ZFP90: variants seen among roughly 807,000 people sequenced by gnomAD.
The protein encoded by ZFP90 is zinc finger protein 90 homolog.
In ZFP90, 38 loss-of-function variants were observed where a neutral mutation model predicts 60.8. The observed-to-expected ratio is 0.62, with a 90% CI of 0.48 to 0.82. The LOEUF (loss-of-function observed/expected upper bound fraction) is 0.82, where lower values mean the gene tolerates loss of function less well. Ranked by LOEUF, ZFP90 falls within the 40% of genes least tolerant of loss-of-function variation. ZFP90 has a pLI of 0.00. For missense variants in ZFP90, 711 were observed against 759.1 expected (o/e 0.94, Z 0.74); for synonymous variants, 287 against 264.8 (o/e 1.08, Z -0.82).
chr16:68,565,243 C>G lies in ZFP90; in HGVS notation c.*545C>G, dbSNP rs144727104. The G allele has an allele frequency of 3.7e-3, 3,667 of 985,644 alleles. 13 individuals carry two copies. The highest frequency in any genetic ancestry group is 0.021 in the Middle Eastern group (40 of 1,914). 61.1% of individuals were successfully genotyped at this position (985,644 alleles called of 1,614,324 possible). A position where few individuals can be genotyped will look rare whatever the true frequency, so the allele number is the denominator to read the frequency against. The stretch of plus-strand genomic sequence containing the variant: ...GTGAAGTGGTTTCCACAGTATGATA[C>G]AGCCTATAAGGGTAAAGCTGGGTTA... On this transcript the variant is annotated 3_prime_UTR_variant, in exon 5 of 5. Transcript: ENST00000563169.
intron 3 of ZFP90, 95 bp downstream of exon 3, chr16:68,558,219 C>CA (rs2091378329): frequency 1.9e-6 from 3 of 1,540,144 alleles, no homozygotes; most frequent in Non-Finnish European, 1.8e-6. Context: ...TAACTGTGAC[C>CA]AGGGTGCTCA....
Position 68,564,265 on chromosome 16 carries a change from G to C in ZFP90, c.1478G>C (p.Gly493Ala), listed in dbSNP as rs764842417. Residue 493 changes from glycine to alanine, a missense_variant, in exon 5 of 5, where the codon GGA (glycine) becomes GCA (alanine). Around this residue, in one of 5 missense-constraint regions of ZFP90, gnomAD observed 295 missense variants for 274.0 expected, o/e 1.08. Transcript: ENST00000563169. ...AFSQQAISHP[G>A]EKPYQCNVCG... ...AGTCAGCAAGCTATTTCTCATCCTG[G>C]AGAGAAACCCTATCAATGTAATGTA... 4 of 1,613,942 alleles carry C rather than the reference G, an allele frequency of 2.5e-6. No individual in the cohort carries two copies. In the African/African-American group the frequency reaches 4.0e-5, roughly 16 times the overall value.
chr16:68,539,399 CG>C lies in ZFP90; in HGVS notation c.-111del. The C allele has an allele frequency of 3.5e-6, 1 of 281,774 alleles. No individual in the cohort carries two copies. Among genetic ancestry groups the C allele is most frequent in the East Asian group, 6.2e-5 (1 of 16,154 alleles). 17.5% of individuals were successfully genotyped at this position (281,774 alleles called of 1,614,324 possible). A position where few individuals can be genotyped will look rare whatever the true frequency, so the allele number is the denominator to read the frequency against. ...GAATTGGAGATAACCGAGGCTTCGG[CG>C]GGGGCGGGAGGAGCTGCCCGAGGCT... On this transcript the variant is annotated 5_prime_UTR_variant, in exon 1 of 5. Coordinates refer to ENST00000563169, the MANE Select transcript of ZFP90 (RefSeq NM_001305203.2).
At chr16:68,569,435 G>C (rs1388873345), downstream of ZFP90, among the ~76,000 whole-genome samples, 1 of 152,084 alleles carries the variant, frequency 6.6e-6, no homozygotes, top group Non-Finnish European at 1.5e-5. Flanking sequence ...GCGCCCAGCT[G>C]ATTAGTCCCA....
rs763650304 is a variant in ZFP90, at chr16:68,554,225, G to A, written c.34-3773G>A. ...CAGTTTCCACCTCCCGGGTTCAAGT[G>A]ATTCTCCTGCCTCATCCTCCCGAGT... On this transcript the variant is annotated intron_variant, in intron 2 of 4. Transcript: ENST00000563169. Among the ~76,000 whole-genome samples, 7 of 151,628 alleles carry A rather than the reference G, an allele frequency of 4.6e-5. No homozygotes were observed. In the South Asian group the frequency reaches 8.3e-4, roughly 18 times the overall value.
chr16:68,551,880 T>A (rs1001659918), intron 2 of ZFP90, among the ~76,000 whole-genome samples: 5 of 152,156 alleles, frequency 3.3e-5, no homozygotes, highest in Non-Finnish European at 7.4e-5. Flanking sequence ...TGCCTCAGCC[T>A]CCTCAGTATC....
downstream of ZFP90, among the ~76,000 whole-genome samples, chr16:68,570,624 G>A (rs1265173058): frequency 2.0e-5 from 3 of 152,200 alleles, no homozygotes; most frequent in Admixed American, 6.5e-5. Context: ...AATGAGCAAC[G>A]AAGGAAGCTA....
intron 1 of ZFP90, 112 bp from the exon 2 acceptor site, chr16:68,539,646 C>A: frequency 1.1e-6 from 1 of 869,890 alleles, no homozygotes; most frequent in South Asian, 2.0e-5. Context: ...GTTCCACGGT[C>A]CTCGCCACCA....
At chr16:68,551,151 G>C (rs193083044) in intron 2 of ZFP90, among the ~76,000 whole-genome samples, 1 of 152,124 alleles carries the variant, frequency 6.6e-6, no homozygotes, top group African/African-American at 2.4e-5. Context: ...GTCCTTTCTG[G>C]AAGTGCCCTT....
In ZFP90 at chr16:68,540,280, G is replaced by A. The variant is rs2091018278; in HGVS notation, c.33+455G>A. ...AGAAGCCTGGTTAGAACATGTCTAG[G>A]AAGAGGCTGGAGATGGGCTTTCTTG... On this transcript the variant is annotated intron_variant, in intron 2 of 4. Coordinates refer to ENST00000563169, the MANE Select transcript of ZFP90 (RefSeq NM_001305203.2). 2.0e-5 allele frequency among the ~76,000 whole-genome samples: 3 copies of A among 152,158 alleles called. No homozygotes were observed. The South Asian group carries it at 6.2e-4, about 32-fold the overall frequency.
At chr16:68,568,940 A>T (rs536622921), downstream of ZFP90, among the ~76,000 whole-genome samples, 1 of 152,320 alleles carries the variant, frequency 6.6e-6, no homozygotes, top group East Asian at 1.9e-4. Flanking sequence ...GGCCTCCCAA[A>T]GTGCTGGGAT....
intron 2 of ZFP90, among the ~76,000 whole-genome samples, chr16:68,541,067 A>G (rs1164115153): frequency 6.6e-6 from 1 of 151,728 alleles, no homozygotes; most frequent in Non-Finnish European, 1.5e-5. Flanking sequence ...AGACAGTCTC[A>G]TTCTGTCACC....
intron 2 of ZFP90, 93 bp downstream of exon 2, chr16:68,539,918 G>A (rs755765555): frequency 1.3e-6 from 2 of 1,500,404 alleles, no homozygotes; most frequent in Non-Finnish European, 1.8e-6. Context: ...TCTCTGCCTG[G>A]CGACTCCCTT....
rs116861174 is a variant in ZFP90, at chr16:68,566,692, A to G, written c.*1994A>G. 0.014 allele frequency: 13,541 copies of G among 985,494 alleles called. 118 individuals carry two copies. The highest frequency in any genetic ancestry group is 0.017 in the Admixed American group (283 of 16,280). The allele number at this position is 985,494 out of a possible 1,614,324, so 61.0% of individuals were successfully genotyped here. On this transcript the variant is annotated 3_prime_UTR_variant, in exon 5 of 5. Transcript: ENST00000563169. ...GCCAAGGCTGTGCTTCTATTATCTG[A>G]TACATAGTTTGACAATGGGTAATTC...
chr16:68,568,790 T>A (rs1728793), downstream of ZFP90, among the ~76,000 whole-genome samples: 73,141 of 152,012 alleles, frequency 0.48, 20,575 homozygotes, highest in East Asian at 0.76. Flanking sequence ...GTGATTCTCA[T>A]GTTTCAGCAT....
chr16:68,557,377 A>T (rs1359262831), intron 2 of ZFP90: 1 of 428,604 alleles, frequency 2.3e-6, no homozygotes, highest in Non-Finnish European at 4.8e-6. Context: ...CCTGTGATAC[A>T]GGTGTACTGT....
At chr16:68,543,204 T>C (rs763853214) in intron 2 of ZFP90, among the ~76,000 whole-genome samples, 5 of 150,748 alleles carry the variant, frequency 3.3e-5, no homozygotes, top group Non-Finnish European at 7.4e-5. Context: ...GTATGTCTGG[T>C]GTATTCAAGG....
Position 68,566,375 on chromosome 16 carries a change from G to A in ZFP90, c.*1677G>A, listed in dbSNP as rs924210494. ...CCCAGCCCTAAATATGAATCATGGG[G>A]CAAGATATTGGTCGTATTGATGGTG... On this transcript the variant is annotated 3_prime_UTR_variant, in exon 5 of 5. Transcript: ENST00000563169. The A allele has an allele frequency of 1.0e-5, 10 of 985,390 alleles. No homozygotes were observed. The African/African-American group carries it at 1.7e-4, about 17-fold the overall frequency. The allele number at this position is 985,390 out of a possible 1,614,324, so 61.0% of individuals were successfully genotyped here.
chr16:68,551,867 T>G (rs1054021937), intron 2 of ZFP90, among the ~76,000 whole-genome samples: 3 of 151,940 alleles, frequency 2.0e-5, no homozygotes, highest in Non-Finnish European at 4.4e-5. Flanking sequence ...CACACCATTC[T>G]CCTGCCTCAG....
Sources: gnomAD v4.1 joint callset for allele counts (sites outside exome capture counted in the v4.1 genomes callset) on GRCh38, gnomAD v4.1.1 for gene constraint, gnomAD v4.1.1 regional missense constraint, MANE v1.5 for transcripts, NCBI Gene and HGNC (gene_info 2026-07-23, HGNC 2026-07-21) for gene names.